CLVS1: variants seen among roughly 807,000 people sequenced by gnomAD.
CLVS1 encodes clavesin-1.
A neutral mutation model predicts 33.1 loss-of-function variants in CLVS1; 10 were observed. The observed-to-expected ratio is 0.30, with a 90% CI of 0.19 to 0.51. The LOEUF (loss-of-function observed/expected upper bound fraction) is 0.51, where lower values mean the gene tolerates loss of function less well. Among genes scored for constraint, CLVS1 ranks in the 20% least tolerant of loss-of-function variants. The pLI is 0.97. For missense variants in CLVS1, 343 were observed against 433.4 expected (o/e 0.79, Z 1.85); for synonymous variants, 163 against 166.1 (o/e 0.98, Z 0.14).
intron 3 of CLVS1, among the ~76,000 whole-genome samples, chr8:61,395,195 A>G (rs1027603873): frequency 1.3e-5 from 2 of 152,226 alleles, no homozygotes; most frequent in Admixed American, 1.3e-4. Context: ...TAAAGGAAAT[A>G]AGCCAGGGAC....
At chr8:61,428,008 T>A (rs1202414774) in intron 3 of CLVS1, among the ~76,000 whole-genome samples, 4 of 152,186 alleles carry the variant, frequency 2.6e-5, no homozygotes, top group Non-Finnish European at 5.9e-5. Context: ...AATCTGCTCC[T>A]AGGAAATAAT....
At chr8:61,285,724 A>G (rs150548542), upstream of CLVS1, among the ~76,000 whole-genome samples, 97 of 152,278 alleles carry the variant, frequency 6.4e-4, no homozygotes, top group Non-Finnish European at 1.1e-3. Flanking sequence ...TAAAGACTCT[A>G]TCCACGTGAG....
intron 2 of CLVS1, among the ~76,000 whole-genome samples, chr8:61,224,831 G>A (rs1050082644): frequency 6.6e-6 from 1 of 152,188 alleles, no homozygotes; most frequent in Admixed American, 6.5e-5. Flanking sequence ...CAATACAGGA[G>A]CACCAAGATT....
intron 2 of CLVS1, among the ~76,000 whole-genome samples, chr8:61,306,797 C>G (rs1810644899): frequency 1.3e-5 from 2 of 152,190 alleles, no homozygotes; most frequent in Non-Finnish European, 2.9e-5. Flanking sequence ...TTCTCCATAT[C>G]TTTGTCAGCA....
At chr8:61,341,235 G>A (rs943907873) in intron 2 of CLVS1, among the ~76,000 whole-genome samples, 1 of 152,112 alleles carries the variant, frequency 6.6e-6, no homozygotes, top group Admixed American at 6.5e-5. Flanking sequence ...TGGTAAGTCC[G>A]TCATTCTGTC....
chr8:61,098,402 GATATATATATAT>G (rs59671943), intron 1 of CLVS1, among the ~76,000 whole-genome samples: 1 of 143,970 alleles, frequency 6.9e-6, no homozygotes, highest in Non-Finnish European at 1.5e-5. Context: ...TAGGGAAACT[GATATATATATAT>G]ATATATATAT....
the CLVS1 span, among the ~76,000 whole-genome samples, chr8:61,042,125 G>A: frequency 7.2e-5 from 11 of 152,142 alleles, no homozygotes; most frequent in African/African-American, 4.8e-5. Context: ...ATAACCTTAA[G>A]GAGGCAATTC....
intron 2 of CLVS1, among the ~76,000 whole-genome samples, chr8:61,188,656 A>C (rs984199429): frequency 1.3e-5 from 2 of 152,146 alleles, no homozygotes; most frequent in African/African-American, 4.8e-5. Flanking sequence ...GTTAAACAAT[A>C]GGCATAGCTA....
intron 3 of CLVS1, among the ~76,000 whole-genome samples, chr8:61,399,654 T>G (rs1814672705): frequency 6.6e-6 from 1 of 152,222 alleles, no homozygotes; most frequent in South Asian, 2.1e-4. Context: ...CTTCTAGGGT[T>G]TTTATAGTTT....
chr8:61,432,934 G>A (rs922251608), intron 3 of CLVS1, among the ~76,000 whole-genome samples: 1 of 152,092 alleles, frequency 6.6e-6, no homozygotes, highest in African/African-American at 2.4e-5. Flanking sequence ...AGTAGGAGGG[G>A]AACGAGGAAA....
intron 5 of CLVS1, among the ~76,000 whole-genome samples, chr8:61,493,811 G>T (rs1804178639): frequency 6.6e-6 from 1 of 152,174 alleles, no homozygotes; most frequent in Non-Finnish European, 1.5e-5. Flanking sequence ...AGTTCCTTAT[G>T]GAATGATGAT....
chr8:61,329,437 T>A (rs779342716), intron 2 of CLVS1, among the ~76,000 whole-genome samples: 2 of 152,166 alleles, frequency 1.3e-5, no homozygotes, highest in Non-Finnish European at 2.9e-5. Context: ...TAAATCAACC[T>A]GGTATTCAAT....
chr8:60,984,608 G>A, the CLVS1 span, among the ~76,000 whole-genome samples: 2 of 152,106 alleles, frequency 1.3e-5, no homozygotes, highest in African/African-American at 2.4e-5. Flanking sequence ...GATTTCAGGC[G>A]TGAGCCACCG....
intron 2 of CLVS1, among the ~76,000 whole-genome samples, chr8:61,168,296 C>T (rs116546366): frequency 0.026 from 4,000 of 152,308 alleles, 165 homozygotes; most frequent in African/African-American, 0.09. Flanking sequence ...CTTGCCCTAG[C>T]TTTCTAGCCT....
chr8:61,327,871 G>A (rs1005840729), intron 2 of CLVS1, among the ~76,000 whole-genome samples: 1 of 152,110 alleles, frequency 6.6e-6, no homozygotes, highest in Non-Finnish European at 1.5e-5. Flanking sequence ...AATCTGTATG[G>A]ATTCAATAAT....
intron 2 of CLVS1, among the ~76,000 whole-genome samples, chr8:61,257,783 T>C (rs1450063647): frequency 1.3e-5 from 2 of 152,214 alleles, no homozygotes; most frequent in Non-Finnish European, 2.9e-5. Context: ...AACTTAAATT[T>C]GGAGTTGAGA....
chr8:61,383,084 C>T (rs1228275891), intron 3 of CLVS1, among the ~76,000 whole-genome samples: 1 of 152,148 alleles, frequency 6.6e-6, no homozygotes, highest in Non-Finnish European at 1.5e-5. Flanking sequence ...TCTCAATTGC[C>T]CCAGCGCTGT....
At position 61,101,690 on chromosome 8, in the gene CLVS1, G is replaced by C. The variant is rs557503997; in HGVS notation, c.-242-30080G>C. On this transcript the variant is annotated intron_variant, in intron 1 of 2. Coordinates refer to the CLVS1 transcript ENST00000522621. ...TTTAAGAAACCATTGGCTAATCCAA[G>C]GCACAAATATTTACCCTTAGGTTTA... 2.6e-5 allele frequency among the ~76,000 whole-genome samples: 4 copies of C among 152,018 alleles called. 1 individual carries two copies. The South Asian group carries it at 8.3e-4, about 32-fold the overall frequency.
In CLVS1 at chr8:61,500,857, T is replaced by G. The variant is rs1474541615; in HGVS notation, c.*1315T>G. On this transcript the variant is annotated 3_prime_UTR_variant, in exon 6 of 6. Coordinates refer to ENST00000325897, the MANE Select transcript of CLVS1 (RefSeq NM_173519.3). ...TAAATATTTGGGAGAGTTAATTTGT[T>G]AGCTAAATAATTCAAGGGAAAGAGA... 6.6e-6 allele frequency: 1 copy of G among 152,190 alleles called. No individual in the cohort carries two copies. Among genetic ancestry groups the G allele is most frequent in the African/African-American group, 2.4e-5 (1 of 41,446 alleles). 9.4% of individuals were successfully genotyped at this position (152,190 alleles called of 1,614,324 possible).
Sources: allele counts gnomAD v4.1 joint callset (sites outside exome capture counted in the v4.1 genomes callset), GRCh38; gene constraint gnomAD v4.1.1; transcripts MANE v1.5; gene names NCBI Gene and HGNC (gene_info 2026-07-23, HGNC 2026-07-21).